The following FSTL4 variants were observed in gnomAD, a reference collection of about 807,000 sequenced individuals.
FSTL4 encodes follistatin like 4.
FSTL4 carries 28 observed loss-of-function variants against 78.2 expected under a neutral mutation model. The observed-to-expected ratio is 0.36, with a 90% CI of 0.27 to 0.49. The LOEUF (loss-of-function observed/expected upper bound fraction) is 0.49. Ranked by LOEUF, FSTL4 falls within the 20% of genes least tolerant of loss-of-function variation. The probability of loss-of-function intolerance (pLI) is 0.98; values close to 1 mark genes in which losing one functional copy is unlikely to be tolerated. For synonymous variants in FSTL4, 422 were observed against 440.5 expected (o/e 0.96, Z 0.53); for missense variants, 922 against 1,084.9 (o/e 0.85, Z 2.11).
chr5:133,796,129 C>T, the FSTL4 span, among the ~76,000 whole-genome samples: 374 of 152,324 alleles, frequency 2.5e-3, 3 homozygotes, highest in Admixed American at 0.017. Context: ...TTATTTGAAA[C>T]GACAGAGAAA....
intron 3 of FSTL4, among the ~76,000 whole-genome samples, chr5:133,510,219 G>C (rs931785425): frequency 6.6e-6 from 1 of 152,138 alleles, no homozygotes; most frequent in African/African-American, 2.4e-5. Flanking sequence ...ATGGAACCTC[G>C]TTGCCTTACC....
chr5:133,510,405 C>T (rs1054493232), intron 3 of FSTL4, among the ~76,000 whole-genome samples: 2 of 152,128 alleles, frequency 1.3e-5, no homozygotes, highest in Non-Finnish European at 2.9e-5. Context: ...TTTCAAACCC[C>T]AAGGACTGTG....
the FSTL4 span, among the ~76,000 whole-genome samples, chr5:133,651,231 C>T: frequency 1.3e-5 from 2 of 151,992 alleles, no homozygotes; most frequent in Non-Finnish European, 2.9e-5. Flanking sequence ...TTTTATTTCC[C>T]TTTCTTGTCT....
chr5:133,330,756 T>C (rs930464367), intron 4 of FSTL4, among the ~76,000 whole-genome samples: 3 of 152,192 alleles, frequency 2.0e-5, no homozygotes, highest in Non-Finnish European at 2.9e-5. Flanking sequence ...AGATTTGCTA[T>C]AAAAAGGTGG....
chr5:133,250,620 C>T (rs577240262), intron 6 of FSTL4, among the ~76,000 whole-genome samples: 19 of 152,400 alleles, frequency 1.2e-4, no homozygotes, highest in Admixed American at 5.9e-4. Flanking sequence ...TTCTGCGGGA[C>T]GCTTGTGAGC....
chr5:133,367,033 C>A (rs1215681888), intron 4 of FSTL4, among the ~76,000 whole-genome samples: 1 of 152,190 alleles, frequency 6.6e-6, no homozygotes, highest in Non-Finnish European at 1.5e-5. Flanking sequence ...CATTCAGGGT[C>A]CTCCCCTTGA....
intron 3 of FSTL4, among the ~76,000 whole-genome samples, chr5:133,471,398 T>C (rs903989019): frequency 6.6e-6 from 1 of 152,148 alleles, no homozygotes; most frequent in African/African-American, 2.4e-5. Context: ...GTTGAAATCT[T>C]AACCCCCAAG....
chr5:133,577,469 T>G (rs1296149830), intron 2 of FSTL4, among the ~76,000 whole-genome samples: 2 of 151,438 alleles, frequency 1.3e-5, no homozygotes, highest in African/African-American at 4.9e-5. Flanking sequence ...CAGTCAAAGG[T>G]GGGGGAGGCA....
the FSTL4 span, among the ~76,000 whole-genome samples, chr5:133,641,682 G>A: frequency 6.6e-6 from 1 of 152,126 alleles, no homozygotes; most frequent in Non-Finnish European, 1.5e-5. Flanking sequence ...AAAGGAAATT[G>A]TTTGAATTTG....
Position 133,361,889 on chromosome 5 carries a change from T to C in FSTL4, c.409+38849A>G, listed in dbSNP as rs1280833084. On this transcript the variant is annotated intron_variant, in intron 4 of 15. Transcript: ENST00000265342. This position sits in a 1 kb window ranked among gnomAD's most constrained non-coding sequence, Gnocchi z 4.3. ...AATACATTGTCACATGCCCCCATTT[T>C]TTGGATATCCCATTGGATATTCACG... 6.6e-6 allele frequency among the ~76,000 whole-genome samples: 1 copy of C among 152,252 alleles called. No homozygotes were observed. Among genetic ancestry groups the C allele is most frequent in the Non-Finnish European group, 1.5e-5 (1 of 68,038 alleles).
chr5:133,288,197 T>TA (rs1238377366), intron 6 of FSTL4, among the ~76,000 whole-genome samples: 1 of 152,256 alleles, frequency 6.6e-6, no homozygotes, highest in African/African-American at 2.4e-5. Context: ...CACCTCTTAC[T>TA]AACTAGGTAG....
chr5:133,515,928 C>T (rs1758843130), intron 3 of FSTL4, among the ~76,000 whole-genome samples: 1 of 151,898 alleles, frequency 6.6e-6, no homozygotes, highest in South Asian at 2.1e-4. Context: ...GCATCAGCCA[C>T]CATATGAGAA....
chr5:133,793,678 G>T, the FSTL4 span, among the ~76,000 whole-genome samples: 2 of 152,138 alleles, frequency 1.3e-5, no homozygotes, highest in African/African-American at 4.8e-5. Context: ...GCTGAACTTT[G>T]CTGAATTGAT....
chr5:133,319,515 G>A lies in FSTL4; in HGVS notation c.410-2863C>T, dbSNP rs568381858. Reference sequence around the variant, plus strand: ...AAGAGCAGGCCAGGAGCAGGACTGCGCGTGCAGGAGCCATGGTGGGGCACG... The same window carrying A: ...AAGAGCAGGCCAGGAGCAGGACTGCACGTGCAGGAGCCATGGTGGGGCACG... On this transcript the variant is annotated intron_variant, in intron 4 of 15. Coordinates refer to ENST00000265342, the MANE Select transcript of FSTL4 (RefSeq NM_015082.2). Among the ~76,000 whole-genome samples, 5 of 152,284 alleles carry A rather than the reference G, an allele frequency of 3.3e-5. No homozygotes were observed. In the South Asian group the frequency reaches 8.3e-4, roughly 25 times the overall value.
intron 6 of FSTL4, among the ~76,000 whole-genome samples, chr5:133,282,821 G>T (rs1467218878): frequency 6.6e-6 from 1 of 152,194 alleles, no homozygotes; most frequent in Non-Finnish European, 1.5e-5. Context: ...CTGAACTACC[G>T]CTCTGAAAGG....
At chr5:133,275,421 G>A (rs1045055441) in intron 6 of FSTL4, among the ~76,000 whole-genome samples, 2 of 152,194 alleles carry the variant, frequency 1.3e-5, no homozygotes, top group Middle Eastern at 3.4e-3. Flanking sequence ...TTAGCCAGGC[G>A]TGGTGGCGGG....
chr5:133,593,457 G>A, intron 2 of FSTL4, among the ~76,000 whole-genome samples: 1 of 152,088 alleles, frequency 6.6e-6, no homozygotes, highest in East Asian at 1.9e-4. Context: ...GACACCAGAG[G>A]GCTGCTGCAT....
the FSTL4 span, among the ~76,000 whole-genome samples, chr5:133,771,752 G>A: frequency 6.6e-6 from 1 of 151,930 alleles, no homozygotes; most frequent in Non-Finnish European, 1.5e-5. Flanking sequence ...GATTGCTCTG[G>A]TGAGGACTTC....
the FSTL4 span, among the ~76,000 whole-genome samples, chr5:133,841,579 C>T: frequency 2.0e-5 from 3 of 152,212 alleles, no homozygotes; most frequent in Non-Finnish European, 4.4e-5. Context: ...TTGGTCCTTA[C>T]AACCACTCCC....
Sources: gnomAD v4.1 joint callset for allele counts (sites outside exome capture counted in the v4.1 genomes callset) on GRCh38, gnomAD v4.1.1 for gene constraint, Gnocchi (gnomAD v3.1) non-coding constraint, MANE v1.5 for transcripts, NCBI Gene and HGNC (gene_info 2026-07-23, HGNC 2026-07-21) for gene names.